SPAG1: variants seen among roughly 807,000 people sequenced by gnomAD.
The protein encoded by SPAG1 is sperm associated antigen 1.
A neutral mutation model predicts 100.5 loss-of-function variants in SPAG1; 69 were observed. The ratio of observed to expected loss-of-function variants is 0.69; its 90% CI spans 0.57 to 0.84. SPAG1 has a LOEUF of 0.84. Ranked by LOEUF, SPAG1 falls within the 40% of genes least tolerant of loss-of-function variation. The pLI, the probability that SPAG1 is intolerant of heterozygous loss-of-function variation, is 0.00. For synonymous variants in SPAG1, 336 were observed against 411.6 expected (o/e 0.82, Z 2.22); for missense variants, 955 against 1,133.1 (o/e 0.84, Z 2.26).
intron 6 of SPAG1, 150 bp downstream of exon 6, chr8:100,184,212 T>C (rs1816491394): frequency 2.3e-6 from 1 of 443,998 alleles, no homozygotes; most frequent in South Asian, 6.7e-5. Flanking sequence ...ACTCAACAAA[T>C]TCACTTCTCT....
rs751447067 is a variant in SPAG1, at chr8:100,194,234, C to T, written c.1062C>T (p.Ser354=). The part of the protein sequence containing the change: ...IENSEDEEGK[S]GRKHEDGGGD... ...ACTCCGAAGATGAAGAAGGAAAAAGCGGAAGAAAACATGAAGATGGCGGTG... is the reference window on the plus strand; with the variant it reads ...ACTCCGAAGATGAAGAAGGAAAAAGTGGAAGAAAACATGAAGATGGCGGTG... The change falls in exon 10 of 19, where the codon AGC becomes AGT. Residue 354 remains serine (S), a synonymous_variant. Coordinates refer to ENST00000388798, the MANE Select transcript of SPAG1 (RefSeq NM_003114.5). The T allele has an allele frequency of 7.5e-6, 12 of 1,607,694 alleles. No individual in the cohort carries two copies. The highest frequency in any genetic ancestry group is 2.2e-5 in the East Asian group (1 of 44,768).
At chr8:100,194,540 AC>A (rs1360383778) in intron 10 of SPAG1, 119 of 543,478 alleles carry the variant, frequency 2.2e-4, no homozygotes, top group Non-Finnish European at 3.3e-4. Context: ...TTTATTTGAC[AC>A]AGACCATTTG....
At chr8:100,189,628 C>T (rs1586440474) in intron 8 of SPAG1, among the ~76,000 whole-genome samples, 1 of 151,944 alleles carries the variant, frequency 6.6e-6, no homozygotes, top group South Asian at 2.1e-4. Context: ...GCACTTCAGC[C>T]TAGGGGACAA....
At chr8:100,168,923 G>A (rs931993964) in intron 3 of SPAG1, among the ~76,000 whole-genome samples, 1 of 151,856 alleles carries the variant, frequency 6.6e-6, no homozygotes, top group African/African-American at 2.4e-5. Flanking sequence ...CCAACCTCAT[G>A]TGATCTGCCC....
chr8:100,201,103 TTTCCTTCC>T (rs770714931), intron 10 of SPAG1, among the ~76,000 whole-genome samples: 68 of 152,046 alleles, frequency 4.5e-4, no homozygotes, highest in African/African-American at 1.4e-3. Context: ...TTTATTTCTT[TTTCCTTCC>T]TTCCTTCCTT....
At position 100,194,108 on chromosome 8, in the gene SPAG1, G is replaced by A; in HGVS notation, c.940-4G>A. On this transcript the variant is annotated splice_polypyrimidine_tract_variant and splice_region_variant and intron_variant, in intron 9 of 18. Transcript: ENST00000388798. ...TTTTCTTTAATATGGTAATTATGTT[G>A]CAGAAAACCTTGTCAGAGGTTGAAA... 1.4e-6 allele frequency: 2 copies of A among 1,462,536 alleles called. No homozygotes were observed. The highest frequency in any genetic ancestry group is 1.9e-6 in the Non-Finnish European group (2 of 1,076,728). 90.6% of individuals were successfully genotyped at this position (1,462,536 alleles called of 1,614,324 possible).
rs765771084 is a variant in SPAG1, at chr8:100,220,325, G to A, written c.1582G>A (p.Ala528Thr). ...CTCTATGAAACCTCTTCTGAGGCGGGCGATGGCCTATGAAACTCTAGAGCA... is the reference window on the plus strand; with the variant it reads ...CTCTATGAAACCTCTTCTGAGGCGGACGATGGCCTATGAAACTCTAGAGCA... ...PFSMKPLLRR[A>T]MAYETLEQYG... The change falls in exon 13 of 19, where the codon GCG (alanine) becomes ACG (threonine). Residue 528 changes from alanine (A) to threonine (T), a missense_variant. By Grantham distance (58) the Ala-to-Thr change is moderately conservative. Coordinates refer to ENST00000388798, the MANE Select transcript of SPAG1 (RefSeq NM_003114.5). The A allele has an allele frequency of 1.9e-6, 3 of 1,614,094 alleles. No homozygotes were observed. The highest frequency in any genetic ancestry group is 2.2e-5 in the East Asian group (1 of 44,882).
At chr8:100,234,975 C>T (rs957114132) in intron 16 of SPAG1, among the ~76,000 whole-genome samples, 3 of 152,108 alleles carry the variant, frequency 2.0e-5, no homozygotes, top group Non-Finnish European at 4.4e-5. Flanking sequence ...AGGTGAGAAG[C>T]AGGTACCTGA....
At chr8:100,172,676 GTGTA>G (rs1412214029) in intron 3 of SPAG1, among the ~76,000 whole-genome samples, 11 of 151,578 alleles carry the variant, frequency 7.3e-5, no homozygotes, top group African/African-American at 2.7e-4. Flanking sequence ...GTATGTGTGT[GTGTA>G]TGTATGTGTA....
chr8:100,231,732 G>T (rs1818776028), intron 15 of SPAG1, among the ~76,000 whole-genome samples: 1 of 152,172 alleles, frequency 6.6e-6, no homozygotes, highest in African/African-American at 2.4e-5. Flanking sequence ...GGCCGAGGCG[G>T]GTGGATCACG....
intron 3 of SPAG1, 58 bp from the exon 4 acceptor site, chr8:100,177,758 T>C: frequency 9.3e-7 from 1 of 1,069,908 alleles, no homozygotes; most frequent in South Asian, 1.7e-5. Flanking sequence ...TATAGTTCTT[T>C]CTTATGCTTG....
chr8:100,228,085 CCTT>C (rs921738982), intron 14 of SPAG1, among the ~76,000 whole-genome samples: 1 of 151,974 alleles, frequency 6.6e-6, no homozygotes, highest in Non-Finnish European at 1.5e-5. Context: ...CTCAAGTAAT[CCTT>C]CTGCCTCAAC....
intron 10 of SPAG1, among the ~76,000 whole-genome samples, chr8:100,202,607 G>C (rs1439088876): frequency 1.3e-5 from 2 of 149,808 alleles, no homozygotes; most frequent in Non-Finnish European, 3.0e-5. Flanking sequence ...CTACTCGGGA[G>C]GCTGAGGCAG....
At chr8:100,199,739 G>A (rs909797418) in intron 10 of SPAG1, among the ~76,000 whole-genome samples, 7 of 152,126 alleles carry the variant, frequency 4.6e-5, no homozygotes, top group African/African-American at 1.2e-4. Context: ...GAGCCACTGC[G>A]CTCAGCCTCT....
intron 7 of SPAG1, 142 bp downstream of exon 7, chr8:100,184,875 G>C: frequency 1.7e-6 from 1 of 583,356 alleles, no homozygotes; most frequent in Non-Finnish European, 2.9e-6. Flanking sequence ...ATTCACTTGT[G>C]TTTCTCCTAT....
chr8:100,233,634 G>A (rs1326690870), intron 16 of SPAG1, 97 bp downstream of exon 16: 4 of 1,254,714 alleles, frequency 3.2e-6, no homozygotes, highest in Non-Finnish European at 4.4e-6. Context: ...TGGGATTGAG[G>A]TTATTCTTGG....
intron 3 of SPAG1, among the ~76,000 whole-genome samples, chr8:100,169,828 T>C (rs1815738384): frequency 6.6e-6 from 1 of 152,176 alleles, no homozygotes; most frequent in Non-Finnish European, 1.5e-5. Context: ...TATTTATTTA[T>C]TTTGTACTCC....
At chr8:100,225,075 C>T (rs1417041903) in intron 13 of SPAG1, 98 bp from the exon 14 acceptor site, 4 of 835,514 alleles carry the variant, frequency 4.8e-6, no homozygotes, top group Non-Finnish European at 7.8e-6. Flanking sequence ...AGGAAGTACA[C>T]ATTTGCATAG....
chr8:100,164,082 A>G (rs1429311559), intron 2 of SPAG1, among the ~76,000 whole-genome samples: 1 of 152,248 alleles, frequency 6.6e-6, no homozygotes, highest in Admixed American at 6.5e-5. Context: ...AGATGTCTCC[A>G]TTTAACTCTC....
Sources: allele counts gnomAD v4.1 joint callset (sites outside exome capture counted in the v4.1 genomes callset), GRCh38; gene constraint gnomAD v4.1.1; transcripts MANE v1.5; gene names NCBI Gene and HGNC (gene_info 2026-07-23, HGNC 2026-07-21).